The following RAD52 variants were observed in gnomAD, a reference collection of about 807,000 sequenced individuals.
RAD52 encodes the protein RAD52 DNA repair protein.
RAD52 carries 47 observed loss-of-function variants against 55.5 expected under a neutral mutation model. The observed-to-expected ratio is 0.85, with a 90% CI of 0.67 to 1.08. The LOEUF (loss-of-function observed/expected upper bound fraction) is 1.08. RAD52 is among the 50% of genes least tolerant of loss of function. The pLI, the probability that RAD52 is intolerant of heterozygous loss-of-function variation, is 0.00. For missense variants in RAD52, 468 were observed against 522.8 expected (o/e 0.90, Z 1.02); for synonymous variants, 184 against 198.9 (o/e 0.92, Z 0.63).
chr12:968,271 T>A (rs757517398), intron 1 of RAD52, among the ~76,000 whole-genome samples: 2 of 152,214 alleles, frequency 1.3e-5, no homozygotes, highest in Middle Eastern at 3.4e-3. Flanking sequence ...ACAAAGAGGT[T>A]TGTGGCATTT....
chr12:913,706 C>CTGAA lies in RAD52; in HGVS notation c.1195+184_1195+187dup, dbSNP rs539389313. Among the ~76,000 whole-genome samples the CTGAA allele has an allele frequency of 3.7e-3, 559 of 152,280 alleles. 3 individuals carry two copies. The highest frequency in any genetic ancestry group is 0.014 in the Middle Eastern group (4 of 294). ...TATCAGGAGCTGAAAAGGGCTGCAC[C>CTGAA]TGAAGTCAGGAGCCCAAAGGAAACG... On this transcript the variant is annotated intron_variant, in intron 11 of 11. Transcript: ENST00000358495.
At chr12:952,620 G>A (rs569281140), upstream of RAD52, among the ~76,000 whole-genome samples, 511 of 151,628 alleles carry the variant, frequency 3.4e-3, 2 homozygotes, top group Middle Eastern at 6.8e-3. Flanking sequence ...GGCTGGGTTC[G>A]GTGCCTCACA....
intron 3 of RAD52, 63 bp downstream of exon 3, chr12:931,157 C>G (rs907213627): frequency 7.4e-7 from 1 of 1,358,476 alleles, no homozygotes. Context: ...AGAGAGGGAA[C>G]TGGCAAGACC....
intron 1 of RAD52, among the ~76,000 whole-genome samples, chr12:968,591 C>T (rs1958800522): frequency 1.3e-5 from 2 of 152,088 alleles, no homozygotes; most frequent in Non-Finnish European, 2.9e-5. Context: ...GACTTCATTC[C>T]TGCCTGAGTA....
intron 5 of RAD52, chr12:929,526 G>C (rs1414031154): frequency 7.0e-6 from 4 of 575,012 alleles, no homozygotes; most frequent in Non-Finnish European, 1.3e-5. Context: ...TAAAATTATT[G>C]TATTTTAAAA....
Position 941,895 on chromosome 12 carries a change from C to G in RAD52, c.-19+7707G>C, listed in dbSNP as rs897937175. ...CAGCTGATCTGCCCGCTGCAGACTC[C>G]CAAAGTGCTGGGATTACAGGCATAA... On this transcript the variant is annotated intron_variant, in intron 1 of 11. Transcript: ENST00000358495. Among the ~76,000 whole-genome samples, 8 of 152,272 alleles carry G rather than the reference C, an allele frequency of 5.3e-5. 1 individual carries two copies. The highest frequency in any genetic ancestry group is 2.6e-4 in the Admixed American group (4 of 15,286).
chr12:988,255 C>T (rs1959112869), intron 1 of RAD52, among the ~76,000 whole-genome samples: 1 of 152,140 alleles, frequency 6.6e-6, no homozygotes, highest in East Asian at 1.9e-4. Flanking sequence ...TATAATTTGG[C>T]AATTTATTTT....
chr12:975,333 A>T (rs1958922240), intron 1 of RAD52: 1 of 152,170 alleles, frequency 6.6e-6, no homozygotes, highest in African/African-American at 2.4e-5. Context: ...TCAACTACAC[A>T]ATACAAACAT....
At chr12:984,410 T>G (rs931442847) in intron 1 of RAD52, among the ~76,000 whole-genome samples, 1 of 151,996 alleles carries the variant, frequency 6.6e-6, no homozygotes, top group Admixed American at 6.6e-5. Context: ...ATTGGCCAGG[T>G]TGGTCTCGAA....
chr12:937,984 G>A (rs1404760657), intron 1 of RAD52, among the ~76,000 whole-genome samples: 1 of 152,086 alleles, frequency 6.6e-6, no homozygotes, highest in East Asian at 1.9e-4. Flanking sequence ...GTGGAATTAG[G>A]TTCCCCCGTG....
At chr12:941,323 A>ATTTTT (rs920290595) in intron 1 of RAD52, among the ~76,000 whole-genome samples, 1 of 148,166 alleles carries the variant, frequency 6.7e-6, no homozygotes, top group African/African-American at 2.5e-5. Flanking sequence ...AACTAAAAGA[A>ATTTTT]TTTTTTTTTT....
chr12:952,274 A>C (rs1012750325), upstream of RAD52, among the ~76,000 whole-genome samples: 4 of 151,966 alleles, frequency 2.6e-5, no homozygotes, highest in Non-Finnish European at 5.9e-5. Flanking sequence ...AATTAAAAAA[A>C]TTTTTTTTAG....
chr12:987,023 C>T (rs1003295098), intron 1 of RAD52, among the ~76,000 whole-genome samples: 3 of 151,658 alleles, frequency 2.0e-5, no homozygotes, highest in South Asian at 2.1e-4. Flanking sequence ...CAGGCTGGAG[C>T]GCAATGGCAC....
chr12:979,026 C>T (rs1253027334), intron 1 of RAD52, among the ~76,000 whole-genome samples: 1 of 152,034 alleles, frequency 6.6e-6, no homozygotes, highest in East Asian at 1.9e-4. Flanking sequence ...CCATCAATTC[C>T]ACCCACCCCC....
At chr12:973,779 CTTCTTTTTTTTTTT>C (rs1165045096) in intron 1 of RAD52, among the ~76,000 whole-genome samples, 92 of 136,858 alleles carry the variant, frequency 6.7e-4, no homozygotes, top group African/African-American at 2.7e-3. Flanking sequence ...ACGCCCAGTC[CTTCTTTTTTTTTTT>C]TTTTTTTTTT....
At chr12:938,623 G>A (rs1271358875) in intron 1 of RAD52, among the ~76,000 whole-genome samples, 2 of 152,170 alleles carry the variant, frequency 1.3e-5, no homozygotes, top group Non-Finnish European at 1.5e-5. Flanking sequence ...GGTGGAGGTT[G>A]CATGAGCCAA....
chr12:952,767 C>T (rs1478656166), upstream of RAD52, among the ~76,000 whole-genome samples: 3 of 149,242 alleles, frequency 2.0e-5, no homozygotes, highest in African/African-American at 7.4e-5. Context: ...TGGTGGGTGC[C>T]TGTAATCCCA....
intron 1 of RAD52, among the ~76,000 whole-genome samples, chr12:978,662 G>T (rs573482164): frequency 1.9e-4 from 29 of 152,118 alleles, no homozygotes; most frequent in African/African-American, 7.0e-4. Context: ...AATTAGCTGG[G>T]CATGGCGGCG....
chr12:986,162 G>A (rs762399734), intron 1 of RAD52, among the ~76,000 whole-genome samples: 14 of 149,120 alleles, frequency 9.4e-5, no homozygotes, highest in Non-Finnish European at 2.1e-4. Context: ...TTGAACTCCC[G>A]ACCTCAGGTG....
Sources: gnomAD v4.1 joint callset for allele counts (sites outside exome capture counted in the v4.1 genomes callset) on GRCh38, gnomAD v4.1.1 for gene constraint, MANE v1.5 for transcripts, NCBI Gene and HGNC (gene_info 2026-07-23, HGNC 2026-07-21) for gene names.